The following TMEM116 variants were observed in gnomAD, a reference collection of about 807,000 sequenced individuals.
The protein encoded by TMEM116 is transmembrane protein 116.
Under a neutral mutation model 44.3 loss-of-function variants are expected in TMEM116, and 38 were observed. The ratio of observed to expected loss-of-function variants is 0.86; its 90% CI spans 0.66 to 1.12. The LOEUF (loss-of-function observed/expected upper bound fraction) is 1.12, where lower values mean the gene tolerates loss of function less well. Ranked by LOEUF, TMEM116 falls within the 50% of genes most tolerant of loss-of-function variation. The pLI is 0.00. For missense variants in TMEM116, 354 were observed against 401.7 expected (o/e 0.88, Z 1.01); for synonymous variants, 132 against 144.8 (o/e 0.91, Z 0.64).
intron 4 of TMEM116, among the ~76,000 whole-genome samples, chr12:111,987,331 C>T (rs1185263441): frequency 6.6e-6 from 1 of 151,942 alleles, no homozygotes; most frequent in Non-Finnish European, 1.5e-5. Flanking sequence ...ATGGTGAAAC[C>T]TCATCTCTAC....
chr12:112,011,654 C>T (rs1384459553), intron 1 of TMEM116: 1 of 152,246 alleles, frequency 6.6e-6, no homozygotes, highest in Non-Finnish European at 1.5e-5. Context: ...CATTAATTGG[C>T]TTTAGTCCCG....
intron 3 of TMEM116, among the ~76,000 whole-genome samples, chr12:112,002,903 G>A (rs2077348867): frequency 6.6e-6 from 1 of 152,158 alleles, no homozygotes; most frequent in African/African-American, 2.4e-5. Context: ...TCTGGTTAAA[G>A]AATAGTTGTT....
chr12:112,011,799 A>G (rs970937113), intron 1 of TMEM116: 1 of 152,258 alleles, frequency 6.6e-6, no homozygotes, highest in South Asian at 2.1e-4. Context: ...CTCAGGTCCA[A>G]GTGATCCTGC....
intron 4 of TMEM116, among the ~76,000 whole-genome samples, chr12:111,974,975 C>T (rs988926878): frequency 6.6e-6 from 1 of 152,094 alleles, no homozygotes; most frequent in African/African-American, 2.4e-5. Flanking sequence ...TTGAAAACTA[C>T]AAAATATTGC....
chr12:111,984,415 G>A (rs937052009), intron 4 of TMEM116, among the ~76,000 whole-genome samples: 1 of 152,144 alleles, frequency 6.6e-6, no homozygotes, highest in African/African-American at 2.4e-5. Context: ...GGTACCAGAA[G>A]CTGGGAGGGG....
chr12:111,994,714 T>C (rs2076834348), intron 3 of TMEM116, among the ~76,000 whole-genome samples: 1 of 152,238 alleles, frequency 6.6e-6, no homozygotes, highest in Non-Finnish European at 1.5e-5. Flanking sequence ...CCATAACCTA[T>C]GTTTAGTAAG....
At chr12:111,990,540 CATT>C (rs1301936488) in intron 4 of TMEM116, among the ~76,000 whole-genome samples, 1 of 152,178 alleles carries the variant, frequency 6.6e-6, no homozygotes, top group East Asian at 1.9e-4. Flanking sequence ...AGATCGGTAA[CATT>C]AGTGCACAGA....
intron 4 of TMEM116, among the ~76,000 whole-genome samples, chr12:111,958,133 C>T (rs2136361233): frequency 6.6e-6 from 1 of 152,068 alleles, no homozygotes; most frequent in South Asian, 2.1e-4. Flanking sequence ...GACACAAACA[C>T]TGCGGAAGGC....
At chr12:111,985,902 A>G (rs2136566947) in intron 4 of TMEM116, among the ~76,000 whole-genome samples, 1 of 152,156 alleles carries the variant, frequency 6.6e-6, no homozygotes, top group African/African-American at 2.4e-5. Context: ...TGGCTGAAAC[A>G]ATTACTGTTG....
At chr12:111,964,136 TAA>T (rs556004160) in intron 4 of TMEM116, among the ~76,000 whole-genome samples, 29 of 131,738 alleles carry the variant, frequency 2.2e-4, no homozygotes, top group Middle Eastern at 3.7e-3. Flanking sequence ...AATTTCAGGT[TAA>T]AAAAAAAAAA....
chr12:111,944,294 G>A (rs1018472843), intron 4 of TMEM116, among the ~76,000 whole-genome samples: 2 of 151,802 alleles, frequency 1.3e-5, no homozygotes, highest in East Asian at 3.9e-4. Context: ...ACAAGCAGAA[G>A]AGAACAGCAA....
intron 4 of TMEM116, among the ~76,000 whole-genome samples, 165 bp from the exon 5 acceptor site, chr12:111,943,534 CTTTTTTGTG>C (rs1057481006): frequency 3.9e-5 from 6 of 152,026 alleles, no homozygotes; most frequent in African/African-American, 1.4e-4. Flanking sequence ...GTCTGAAATT[CTTTTTTGTG>C]TGTGTATGTG....
intron 4 of TMEM116, among the ~76,000 whole-genome samples, chr12:111,989,117 T>A (rs1034781033): frequency 2.0e-5 from 3 of 152,104 alleles, no homozygotes. Context: ...ACTTGAAGAC[T>A]CTGAAAAGTA....
intron 1 of TMEM116, chr12:112,005,544 G>T: frequency 2.1e-6 from 1 of 468,656 alleles, no homozygotes; most frequent in Non-Finnish European, 3.1e-6. Context: ...AAATAGAGAT[G>T]TGGATTGAAA....
chr12:112,004,878 G>A (rs1177040340), intron 2 of TMEM116, among the ~76,000 whole-genome samples: 2 of 152,076 alleles, frequency 1.3e-5, no homozygotes, highest in African/African-American at 4.8e-5. Context: ...TCAAACTCCT[G>A]AGCTCAAGCG....
chr12:111,971,483 A>T (rs755765659), intron 4 of TMEM116, among the ~76,000 whole-genome samples: 5 of 150,864 alleles, frequency 3.3e-5, no homozygotes, highest in Non-Finnish European at 5.9e-5. Flanking sequence ...AAACCCTGTA[A>T]CACAACCAGT....
intron 4 of TMEM116, among the ~76,000 whole-genome samples, chr12:111,973,051 T>C (rs1459191758): frequency 3.3e-5 from 5 of 152,070 alleles, no homozygotes; most frequent in Admixed American, 2.0e-4. Context: ...GGCAGGAGAA[T>C]TGCTTGAACC....
intron 3 of TMEM116, among the ~76,000 whole-genome samples, chr12:112,001,765 A>T (rs1019187959): frequency 1.3e-5 from 2 of 152,248 alleles, no homozygotes; most frequent in Non-Finnish European, 2.9e-5. Flanking sequence ...TGTTTGACTT[A>T]AAATTACTTT....
At chr12:112,000,097 G>A (rs930434794) in intron 3 of TMEM116, among the ~76,000 whole-genome samples, 1 of 152,048 alleles carries the variant, frequency 6.6e-6, no homozygotes, top group African/African-American at 2.4e-5. Context: ...CATTAAAAAA[G>A]TAAAACAAAA....
Sources: gnomAD v4.1 joint callset for allele counts (sites outside exome capture counted in the v4.1 genomes callset) on GRCh38, gnomAD v4.1.1 for gene constraint, MANE v1.5 for transcripts, NCBI Gene and HGNC (gene_info 2026-07-23, HGNC 2026-07-21) for gene names.